HDGFL2: variants seen among roughly 807,000 people sequenced by gnomAD.
HDGFL2 encodes hepatoma-derived growth factor-related protein 2.
In HDGFL2, 36 loss-of-function variants were observed where a neutral mutation model predicts 77.1. The observed-to-expected ratio is 0.47, with a 90% CI of 0.36 to 0.62. The LOEUF (loss-of-function observed/expected upper bound fraction) is 0.62, where lower values mean the gene tolerates loss of function less well. Ranked by LOEUF, HDGFL2 falls within the 20% of genes least tolerant of loss-of-function variation. The pLI is 0.00. For synonymous variants in HDGFL2, 463 were observed against 413.1 expected, an observed-to-expected ratio of 1.12 and a Z score of -1.46; for missense variants, 976 against 973.4, an observed-to-expected ratio of 1.00 and a Z score of -0.04.
intron 10 of HDGFL2, 98 bp downstream of exon 10, chr19:4,496,503 A>T (rs1975706799): frequency 2.2e-6 from 2 of 898,522 alleles, no homozygotes; most frequent in African/African-American, 3.3e-5. Context: ...CTCTGAGTTC[A>T]GCCTTGGAGC....
intron 6 of HDGFL2, among the ~76,000 whole-genome samples, chr19:4,493,240 G>T (rs1328716058): frequency 7.4e-6 from 1 of 135,310 alleles, no homozygotes; most frequent in Admixed American, 7.3e-5. Context: ...GTATCTGTGT[G>T]GTATGTGTGT....
At chr19:4,496,537 C>G in intron 10 of HDGFL2, 132 bp downstream of exon 10, 1 of 715,074 alleles carries the variant, frequency 1.4e-6, no homozygotes, top group Non-Finnish European at 2.4e-6. Flanking sequence ...AGTTCCTGGT[C>G]CTTGGGTTGT....
In HDGFL2 at chr19:4,502,038, C is replaced by A; in HGVS notation, c.*28C>A. 6.7e-7 allele frequency: 1 copy of A among 1,494,926 alleles called. No individual in the cohort carries two copies. Among genetic ancestry groups the A allele is most frequent in the Non-Finnish European group, 9.0e-7 (1 of 1,110,498 alleles). The allele number at this position is 1,494,926 out of a possible 1,614,324, so 92.6% of individuals were successfully genotyped here. A position where few individuals can be genotyped will look rare whatever the true frequency, so the allele number is the denominator to read the frequency against. ...CGCGGGCAGCCAGGCCCAGCCCCCG[C>A]CCGAGCTCAGGCTGCCCCTCTCCTT... On this transcript the variant is annotated 3_prime_UTR_variant, in exon 16 of 16. Coordinates refer to ENST00000616600, the MANE Select transcript of HDGFL2 (RefSeq NM_001001520.3).
intron 4 of HDGFL2, 47 bp downstream of exon 4, chr19:4,488,923 T>C (rs1474142800): frequency 4.3e-6 from 6 of 1,402,624 alleles, no homozygotes; most frequent in Non-Finnish European, 5.9e-6. Flanking sequence ...CTTGCCCTGA[T>C]GTCTCGCCTG....
In HDGFL2 at chr19:4,502,018, G is replaced by GCAGCCAGGCC; in HGVS notation, c.*14_*23dup. ...CTGGACGAGGAGAGCTGAGCCGCGG[G>GCAGCCAGGCC]CAGCCAGGCCCAGCCCCCGCCCGAG... On this transcript the variant is annotated 3_prime_UTR_variant, in exon 16 of 16. Coordinates refer to ENST00000616600, the MANE Select transcript of HDGFL2 (RefSeq NM_001001520.3). The GCAGCCAGGCC allele has an allele frequency of 1.3e-6, 2 of 1,516,996 alleles. No individual in the cohort carries two copies. Among genetic ancestry groups the GCAGCCAGGCC allele is most frequent in the South Asian group, 2.5e-5 (2 of 80,518 alleles). The allele number at this position is 1,516,996 out of a possible 1,614,324, so 94.0% of individuals were successfully genotyped here. A position where few individuals can be genotyped will look rare whatever the true frequency, so the allele number is the denominator to read the frequency against.
Position 4,501,225 on chromosome 19 carries a change from A to G in HDGFL2, c.1824A>G (p.Ser608=), listed in dbSNP as rs2145224873. 1 of 1,613,656 alleles carries G rather than the reference A, an allele frequency of 6.2e-7. No homozygotes were observed. Among genetic ancestry groups the G allele is most frequent in the African/African-American group, 1.3e-5 (1 of 75,046 alleles). Residue 608 remains serine, a synonymous_variant, in exon 15 of 16, where the codon TCA becomes TCG. Coordinates refer to ENST00000616600, the MANE Select transcript of HDGFL2 (RefSeq NM_001001520.3). ...LSAPVNGEAT[S]QKGESAEDKE... ...CCCCAGTGAATGGCGAGGCCACATC[A>G]CAGAAGGGGGAGAGCGCAGAGGACA...
intron 3 of HDGFL2, among the ~76,000 whole-genome samples, chr19:4,486,852 T>C (rs1975375008): frequency 6.6e-6 from 1 of 152,168 alleles, no homozygotes; most frequent in Non-Finnish European, 1.5e-5. Context: ...CCATTCCTGC[T>C]CTCTGGAACG....
In HDGFL2 at chr19:4,494,260, G is replaced by A; in HGVS notation, c.1009G>A (p.Glu337Lys). 1 of 1,459,476 alleles carries A rather than the reference G, an allele frequency of 6.9e-7. No individual in the cohort carries two copies. Among genetic ancestry groups the A allele is most frequent in the Non-Finnish European group, 9.0e-7 (1 of 1,110,034 alleles). The allele number at this position is 1,459,476 out of a possible 1,614,324, so 90.4% of individuals were successfully genotyped here. Reference sequence around the variant, plus strand: ...GGCCCGGCGGCGGCGAGAGCAGGAGGAGGAGCTGCGGCGCCTGCGGGAGCA... The same window carrying A: ...GGCCCGGCGGCGGCGAGAGCAGGAGAAGGAGCTGCGGCGCCTGCGGGAGCA... ...LEARRRREQE[E>K]ELRRLREQEK... The change falls in exon 9 of 16, where the codon GAG becomes AAG. Residue 337 changes from glutamate to lysine, a missense_variant. Around this residue, in one of 5 missense-constraint regions of HDGFL2, gnomAD observed 567 missense variants for 534.7 expected, o/e 1.06. Transcript: ENST00000616600.
At chr19:4,482,892 G>T (rs1975255885) in intron 3 of HDGFL2, among the ~76,000 whole-genome samples, 1 of 152,096 alleles carries the variant, frequency 6.6e-6, no homozygotes, top group Non-Finnish European at 1.5e-5. Flanking sequence ...AAGATCCTGG[G>T]GCATCAGGGT....
chr19:4,494,410 A>G lies in HDGFL2; in HGVS notation c.1159A>G (p.Lys387Glu). ...DDEPVKKRGR[K>E]GRGRGPPSSS... is the part of the protein sequence containing the mutation. ...TGAGCCCGTCAAGAAGCGGGGACGCAAGGGCCGGGGCCGGGGTCCCCCGTC... is the reference window on the plus strand; with the variant it reads ...TGAGCCCGTCAAGAAGCGGGGACGCGAGGGCCGGGGCCGGGGTCCCCCGTC... Residue 387 changes from lysine to glutamate, a missense_variant, in exon 9 of 16, where the codon AAG becomes GAG. Lys to Glu is a moderately conservative substitution (Grantham distance 56). Transcript: ENST00000616600. 4 of 1,405,056 alleles carry G rather than the reference A, an allele frequency of 2.8e-6. No homozygotes were observed. The highest frequency in any genetic ancestry group is 3.7e-6 in the Non-Finnish European group (4 of 1,084,280). 87.0% of individuals were successfully genotyped at this position (1,405,056 alleles called of 1,614,324 possible).
chr19:4,501,329 G>A lies in HDGFL2; in HGVS notation c.1916+12G>A, dbSNP rs531824587. 4.3e-4 allele frequency: 681 copies of A among 1,579,340 alleles called. 8 individuals are homozygous for A. In the South Asian group the frequency reaches 5.8e-3, roughly 13 times the overall value. On this transcript the variant is annotated intron_variant, in intron 15 of 15. Transcript: ENST00000616600. ...GAAGACCTGCACGAGTGAGTGTCCCGGGCCGTGGGGTTTGGACTCCTGAGC... is the reference window on the plus strand; with the variant it reads ...GAAGACCTGCACGAGTGAGTGTCCCAGGCCGTGGGGTTTGGACTCCTGAGC...
At chr19:4,478,963 GT>G (rs1975143119) in intron 3 of HDGFL2, among the ~76,000 whole-genome samples, 1 of 151,676 alleles carries the variant, frequency 6.6e-6, no homozygotes, top group Non-Finnish European at 1.5e-5. Flanking sequence ...GATTACAGGC[GT>G]GAGCCACCGC....
intron 3 of HDGFL2, among the ~76,000 whole-genome samples, chr19:4,484,863 G>A (rs1200568280): frequency 6.6e-6 from 1 of 151,864 alleles, no homozygotes; most frequent in Admixed American, 6.6e-5. Flanking sequence ...AGTAGAGGCG[G>A]GGTTTCACCA....
intron 9 of HDGFL2, among the ~76,000 whole-genome samples, chr19:4,495,126 G>A (rs185528760): frequency 1.5e-3 from 234 of 152,234 alleles, no homozygotes; most frequent in African/African-American, 5.1e-3. Flanking sequence ...AGTGGCTCAC[G>A]CCTGTAATCC....
chr19:4,497,301 G>GA, intron 10 of HDGFL2: 1 of 375,918 alleles, frequency 2.7e-6, no homozygotes, highest in Non-Finnish European at 5.2e-6. Context: ...GGGTTCAAGC[G>GA]ATTTTCCTAG....
intron 15 of HDGFL2, 125 bp downstream of exon 15, chr19:4,501,442 C>T (rs377467912): frequency 2.5e-5 from 29 of 1,177,914 alleles, no homozygotes; most frequent in East Asian, 2.1e-4. Flanking sequence ...CGTCCTTACT[C>T]GGGCCTCCCA....
At chr19:4,474,045 G>A (rs1975009368) in intron 1 of HDGFL2, among the ~76,000 whole-genome samples, 2 of 152,066 alleles carry the variant, frequency 1.3e-5, no homozygotes, top group African/African-American at 2.4e-5. Context: ...AGGTGTGGAG[G>A]GGGTGAGTTC....
chr19:4,477,681 C>A (rs1263994892), intron 3 of HDGFL2, among the ~76,000 whole-genome samples: 1 of 152,162 alleles, frequency 6.6e-6, no homozygotes. Context: ...GGAAATTAAA[C>A]AAGCCCTGTA....
chr19:4,492,920 G>A (rs952712369), intron 6 of HDGFL2, among the ~76,000 whole-genome samples: 6 of 120,302 alleles, frequency 5.0e-5, no homozygotes, highest in Admixed American at 1.6e-4. Context: ...TCTGTGTGGT[G>A]TGTATCTGTG....
Sources: gnomAD v4.1 joint callset for allele counts (sites outside exome capture counted in the v4.1 genomes callset) on GRCh38, gnomAD v4.1.1 for gene constraint, gnomAD v4.1.1 regional missense constraint, MANE v1.5 for transcripts, NCBI Gene and HGNC (gene_info 2026-07-23, HGNC 2026-07-21) for gene names.